Variants in NTM observed in about 807,000 individuals in gnomAD.
NTM encodes the protein IgLON family member 2.
NTM carries 13 observed loss-of-function variants against 42.1 expected under a neutral mutation model. The observed-to-expected ratio is 0.31, with a 90% CI of 0.20 to 0.49. NTM has a LOEUF of 0.49. Among genes scored for constraint, NTM ranks in the 20% least tolerant of loss-of-function variants. The pLI, the probability that NTM is intolerant of heterozygous loss-of-function variation, is 0.99. For synonymous variants in NTM, 187 were observed against 179.2 expected, an observed-to-expected ratio of 1.04 and a Z score of -0.35; for missense variants, 373 against 452.8, an observed-to-expected ratio of 0.82 and a Z score of 1.60.
chr11:131,554,642 A>G (rs2055156929), intron 1 of NTM, among the ~76,000 whole-genome samples: 1 of 151,942 alleles, frequency 6.6e-6, no homozygotes, highest in Non-Finnish European at 1.5e-5. Context: ...ATTGCTGTTG[A>G]CTGCCATCTC....
chr11:131,997,397 T>A (rs1406700992), intron 2 of NTM, among the ~76,000 whole-genome samples: 1 of 152,184 alleles, frequency 6.6e-6, no homozygotes, highest in African/African-American at 2.4e-5. Context: ...GCCAGGCTAA[T>A]AAGTTTAGAA....
Position 131,701,723 on chromosome 11 carries a change from G to A in NTM, c.83-209841G>A, listed in dbSNP as rs563322998. ...GGGCCTTGTTATTTCTTCATTTAATGGTGTGTCCATGGGGTCCTAGGGCAT... is the reference window on the plus strand; with the variant it reads ...GGGCCTTGTTATTTCTTCATTTAATAGTGTGTCCATGGGGTCCTAGGGCAT... On this transcript the variant is annotated intron_variant, in intron 1 of 8. Transcript: ENST00000683400. Among the ~76,000 whole-genome samples, 3 of 152,188 alleles carry A rather than the reference G, an allele frequency of 2.0e-5. No homozygotes were observed. The East Asian group carries it at 5.8e-4, about 29-fold the overall frequency.
intron 2 of NTM, among the ~76,000 whole-genome samples, chr11:131,944,876 C>T (rs1324951871): frequency 6.6e-6 from 1 of 152,114 alleles, no homozygotes; most frequent in African/African-American, 2.4e-5. Flanking sequence ...TGGGATAGAA[C>T]AGGATTAGTT....
intron 2 of NTM, among the ~76,000 whole-genome samples, chr11:131,935,758 C>T (rs1161587513): frequency 6.6e-6 from 1 of 152,170 alleles, no homozygotes; most frequent in East Asian, 1.9e-4. Context: ...AGTCTCCTTA[C>T]CTGTAGAATT....
chr11:131,817,576 G>A (rs1358602271), intron 1 of NTM, among the ~76,000 whole-genome samples: 1 of 152,182 alleles, frequency 6.6e-6, no homozygotes, highest in African/African-American at 2.4e-5. Flanking sequence ...ATGTTTATTG[G>A]TGGCGGGGAG....
At chr11:131,468,785 G>A (rs143736615) in intron 1 of NTM, among the ~76,000 whole-genome samples, 1 of 152,212 alleles carries the variant, frequency 6.6e-6, no homozygotes, top group African/African-American at 2.4e-5. Flanking sequence ...GGAGGTGCAA[G>A]CAGCTTTTTC....
chr11:132,287,612 A>G (rs1481040818), intron 4 of NTM, among the ~76,000 whole-genome samples: 1 of 152,244 alleles, frequency 6.6e-6, no homozygotes, highest in Non-Finnish European at 1.5e-5. Context: ...ATACAATTTC[A>G]GGGAGTCAAG....
At chr11:132,181,354 G>A (rs2077550924) in intron 3 of NTM, among the ~76,000 whole-genome samples, 1 of 152,170 alleles carries the variant, frequency 6.6e-6, no homozygotes, top group African/African-American at 2.4e-5. Flanking sequence ...TTATGATTTA[G>A]GCAGTCATCC....
At chr11:132,160,311 G>T (rs2074016230) in intron 3 of NTM, among the ~76,000 whole-genome samples, 1 of 152,194 alleles carries the variant, frequency 6.6e-6, no homozygotes, top group East Asian at 1.9e-4. Context: ...GACAGCTAAT[G>T]CACCAGGAAG....
At chr11:131,639,902 GC>G (rs2064913040) in intron 1 of NTM, among the ~76,000 whole-genome samples, 1 of 152,032 alleles carries the variant, frequency 6.6e-6, no homozygotes, top group East Asian at 1.9e-4. Flanking sequence ...GTTGCAGTGA[GC>G]CAAGATCACA....
chr11:132,206,227 A>G (rs1247627064), intron 3 of NTM, among the ~76,000 whole-genome samples: 1 of 152,220 alleles, frequency 6.6e-6, no homozygotes, highest in Non-Finnish European at 1.5e-5. Flanking sequence ...AAATTACGAC[A>G]TTTCTTTTAA....
At chr11:132,332,819 T>C (rs73028641) in intron 8 of NTM, 4,376 of 152,356 alleles carry the variant, frequency 0.029, 107 homozygotes, top group Middle Eastern at 0.092. Context: ...TTCTCCTCCC[T>C]GGAGGCTTCC....
chr11:132,115,372 C>T (rs1282104898), intron 2 of NTM, among the ~76,000 whole-genome samples: 1 of 152,130 alleles, frequency 6.6e-6, no homozygotes, highest in Non-Finnish European at 1.5e-5. Flanking sequence ...AGCCTGGTTG[C>T]AGTGATCATT....
At chr11:131,941,032 T>C (rs1313217070) in intron 2 of NTM, among the ~76,000 whole-genome samples, 1 of 152,152 alleles carries the variant, frequency 6.6e-6, no homozygotes, top group Non-Finnish European at 1.5e-5. Context: ...GCAGTGCGCA[T>C]AGGGCACGTG....
intron 1 of NTM, among the ~76,000 whole-genome samples, chr11:131,568,883 G>GCT (rs376817705): frequency 2.3e-3 from 342 of 151,736 alleles, no homozygotes; most frequent in Admixed American, 3.4e-3. Flanking sequence ...GCTCCCAGAT[G>GCT]CTCTCTCTCT....
At chr11:132,185,415 C>G (rs2078244601) in intron 3 of NTM, among the ~76,000 whole-genome samples, 1 of 152,166 alleles carries the variant, frequency 6.6e-6, no homozygotes, top group Non-Finnish European at 1.5e-5. Context: ...CTGAGATAAG[C>G]CCTGCATTTA....
intron 3 of NTM, among the ~76,000 whole-genome samples, chr11:132,192,434 A>T (rs1284131895): frequency 6.6e-6 from 1 of 152,216 alleles, no homozygotes; most frequent in Non-Finnish European, 1.5e-5. Flanking sequence ...AGCAAAGGAG[A>T]AATACAATCT....
chr11:131,985,525 G>A (rs1338487443), intron 2 of NTM, among the ~76,000 whole-genome samples: 1 of 152,176 alleles, frequency 6.6e-6, no homozygotes, highest in Non-Finnish European at 1.5e-5. Flanking sequence ...CGGGTGTCAG[G>A]CTTGGCCTCA....
intron 1 of NTM, among the ~76,000 whole-genome samples, chr11:131,751,387 G>A (rs1022983374): frequency 1.4e-4 from 22 of 152,026 alleles, no homozygotes; most frequent in African/African-American, 2.4e-4. Flanking sequence ...TCAGGGGATC[G>A]AGACCATCCT....
Sources: allele counts gnomAD v4.1 joint callset (sites outside exome capture counted in the v4.1 genomes callset), GRCh38; gene constraint gnomAD v4.1.1; transcripts MANE v1.5; gene names NCBI Gene and HGNC (gene_info 2026-07-23, HGNC 2026-07-21).